SLC1A2: variants seen among roughly 807,000 people sequenced by gnomAD.
SLC1A2 encodes excitatory amino acid transporter 2.
Under a neutral mutation model 48.8 loss-of-function variants are expected in SLC1A2, and 15 were observed. The ratio of observed to expected loss-of-function variants is 0.31; its 90% confidence interval spans 0.21 to 0.47. The LOEUF is 0.47. SLC1A2 is among the 20% of genes least tolerant of loss of function. The probability of loss-of-function intolerance (pLI) is 0.99; values close to 1 mark genes in which losing one functional copy is unlikely to be tolerated. For synonymous variants in SLC1A2, 279 were observed against 272.6 expected (o/e 1.02, Z -0.23); for missense variants, 502 against 730.5 (o/e 0.69, Z 3.61).
intron 1 of SLC1A2, among the ~76,000 whole-genome samples, chr11:35,321,441 G>T (rs1164947584): frequency 6.6e-6 from 1 of 152,076 alleles, no homozygotes; most frequent in Admixed American, 6.5e-5. Context: ...AGTATTTTAT[G>T]CAATTTGTCT....
At position 35,296,572 on chromosome 11, in the gene SLC1A2, C is replaced by A. The variant is rs560779186; in HGVS notation, c.858-4052G>T. 2.0e-5 allele frequency among the ~76,000 whole-genome samples: 3 copies of A among 152,294 alleles called. No individual in the cohort carries two copies. In the South Asian group the frequency reaches 6.2e-4, roughly 32 times the overall value. On this transcript the variant is annotated intron_variant, in intron 6 of 10. Transcript: ENST00000278379. Reference sequence around the variant, plus strand: ...AATTCCAACCCATCAAGGTGGCCTGCAGGACCCTGGAGGATCTGCCTCCTG... The same window carrying A: ...AATTCCAACCCATCAAGGTGGCCTGAAGGACCCTGGAGGATCTGCCTCCTG...
chr11:35,382,172 A>G (rs1854445327), intron 1 of SLC1A2, among the ~76,000 whole-genome samples: 2 of 152,250 alleles, frequency 1.3e-5, no homozygotes, highest in Non-Finnish European at 2.9e-5. Flanking sequence ...GCCCGTGGTA[A>G]CCACTCTGCA....
chr11:35,343,111 T>A (rs367685156), intron 1 of SLC1A2, among the ~76,000 whole-genome samples: 2 of 152,318 alleles, frequency 1.3e-5, no homozygotes, highest in East Asian at 1.9e-4. Flanking sequence ...GTGTCAGTAG[T>A]GAGACAGGAA....
chr11:35,353,321 C>A (rs1853335176), intron 1 of SLC1A2, among the ~76,000 whole-genome samples: 1 of 152,176 alleles, frequency 6.6e-6, no homozygotes, highest in Non-Finnish European at 1.5e-5. Flanking sequence ...GAAGCAATGC[C>A]TCAGCTTCTC....
intron 1 of SLC1A2, among the ~76,000 whole-genome samples, chr11:35,329,168 A>G (rs1852345709): frequency 6.6e-6 from 1 of 152,246 alleles, no homozygotes; most frequent in Non-Finnish European, 1.5e-5. Flanking sequence ...ATACTGTATG[A>G]TTCCAACTAT....
chr11:35,398,095 C>T (rs1325169019), intron 1 of SLC1A2, among the ~76,000 whole-genome samples: 1 of 152,186 alleles, frequency 6.6e-6, no homozygotes, highest in East Asian at 1.9e-4. Context: ...AACAAGGGGA[C>T]TGGAACATCC....
chr11:35,321,740 T>C (rs1852074902), intron 1 of SLC1A2, among the ~76,000 whole-genome samples: 1 of 152,144 alleles, frequency 6.6e-6, no homozygotes, highest in Non-Finnish European at 1.5e-5. Flanking sequence ...CCCATGGCAA[T>C]GAGCAGAAAG....
intron 2 of SLC1A2, chr11:35,316,195 G>A (rs1851870621): frequency 6.6e-6 from 1 of 152,198 alleles, no homozygotes; most frequent in Non-Finnish European, 1.5e-5. Context: ...CAGACTCAAA[G>A]TTCCCAGAAG....
chr11:35,345,471 T>C (rs1209745368), intron 1 of SLC1A2, among the ~76,000 whole-genome samples: 10 of 152,178 alleles, frequency 6.6e-5, no homozygotes, highest in Admixed American at 4.6e-4. Context: ...CCCTGTTCCA[T>C]GTGCAAGGCT....
intron 1 of SLC1A2, among the ~76,000 whole-genome samples, chr11:35,319,894 A>C (rs1283495659): frequency 6.6e-6 from 1 of 152,254 alleles, no homozygotes; most frequent in Non-Finnish European, 1.5e-5. Flanking sequence ...CAGATATGGA[A>C]GACTTGTAAG....
At chr11:35,366,224 C>T (rs903148020) in intron 1 of SLC1A2, among the ~76,000 whole-genome samples, 49 of 152,316 alleles carry the variant, frequency 3.2e-4, no homozygotes, top group Admixed American at 5.9e-4. Context: ...TCCTTTGCCA[C>T]GTGAATTCCT....
intron 1 of SLC1A2, among the ~76,000 whole-genome samples, chr11:35,336,941 T>C (rs1353740374): frequency 1.3e-5 from 2 of 152,168 alleles, no homozygotes; most frequent in Non-Finnish European, 2.9e-5. Context: ...GAGGTCTCTG[T>C]AGTACTTGGG....
chr11:35,379,855 T>C (rs1342704329), intron 1 of SLC1A2, among the ~76,000 whole-genome samples: 1 of 152,230 alleles, frequency 6.6e-6, no homozygotes, highest in Non-Finnish European at 1.5e-5. Context: ...CCAAAACAAA[T>C]GTCATCCAGA....
chr11:35,262,682 C>G (rs1193018428), intron 10 of SLC1A2, among the ~76,000 whole-genome samples: 1 of 152,260 alleles, frequency 6.6e-6, no homozygotes, highest in Non-Finnish European at 1.5e-5. Context: ...AGCATCAACA[C>G]AGTTAACTGA....
In SLC1A2 at chr11:35,330,572, G is replaced by C. The variant is rs550560411; in HGVS notation, c.18-13056C>G. ...GCAAAGGGGCTCTAAGGCTGCAGTTGCAAAGAAGGTTGCTAATCAGCTGAC... is the reference window on the plus strand; with the variant it reads ...GCAAAGGGGCTCTAAGGCTGCAGTTCCAAAGAAGGTTGCTAATCAGCTGAC... On this transcript the variant is annotated intron_variant, in intron 1 of 10. Transcript: ENST00000278379. Among the ~76,000 whole-genome samples, 7 of 152,304 alleles carry C rather than the reference G, an allele frequency of 4.6e-5. No homozygotes were observed. The East Asian group carries it at 9.6e-4, about 21-fold the overall frequency.
chr11:35,351,833 A>G lies in SLC1A2; in HGVS notation c.18-34317T>C, dbSNP rs11033086. 4.6e-5 allele frequency among the ~76,000 whole-genome samples: 7 copies of G among 151,916 alleles called. No individual in the cohort carries two copies. In the East Asian group the frequency reaches 1.4e-3, roughly 30 times the overall value. On this transcript the variant is annotated intron_variant, in intron 1 of 10. Coordinates refer to ENST00000278379, the MANE Select transcript of SLC1A2 (RefSeq NM_004171.4). ...GTATTTTTAGTAGAGACGGGGTTTC[A>G]CCATATTGGCCAGGCTGGTCTCAAA...
intron 7 of SLC1A2, among the ~76,000 whole-genome samples, chr11:35,287,339 G>A (rs1850857160): frequency 6.6e-6 from 1 of 151,140 alleles, no homozygotes; most frequent in African/African-American, 2.4e-5. Context: ...GCTATCAACA[G>A]CAAAATGGGA....
At chr11:35,363,413 G>A (rs1287093690) in intron 1 of SLC1A2, among the ~76,000 whole-genome samples, 2 of 152,056 alleles carry the variant, frequency 1.3e-5, no homozygotes, top group African/African-American at 4.8e-5. Context: ...GCCTCTTCTC[G>A]GTTGCCAAAG....
chr11:35,290,916 T>C (rs1162849351), intron 7 of SLC1A2, among the ~76,000 whole-genome samples: 3 of 152,188 alleles, frequency 2.0e-5, no homozygotes, highest in Middle Eastern at 3.2e-3. Context: ...TGAATCCTCA[T>C]TGATTTGCAA....
Sources: gnomAD v4.1 joint callset for allele counts (sites outside exome capture counted in the v4.1 genomes callset) on GRCh38, gnomAD v4.1.1 for gene constraint, MANE v1.5 for transcripts, NCBI Gene and HGNC (gene_info 2026-07-23, HGNC 2026-07-21) for gene names.